ACER2: variants seen among roughly 807,000 people sequenced by gnomAD.
The protein encoded by ACER2 is alkCDase 2.
ACER2 carries 26 observed loss-of-function variants against 34.7 expected under a neutral mutation model. The observed-to-expected ratio is 0.75, with a 90% CI of 0.55 to 1.04. The LOEUF is 1.04. Among genes scored for constraint, ACER2 ranks in the 50% least tolerant of loss-of-function variants. The pLI is 0.00. For missense variants in ACER2, 352 were observed against 340.8 expected (o/e 1.03, Z -0.26); for synonymous variants, 138 against 132.1 (o/e 1.04, Z -0.31).
chr9:19,424,933 C>G, intron 3 of ACER2, 92 bp downstream of exon 3: 5 of 1,495,612 alleles, frequency 3.3e-6, no homozygotes, highest in East Asian at 2.3e-5. Flanking sequence ...CATGATTGAA[C>G]TCAGCCTAGT....
At chr9:19,420,391 C>T (rs897760602) in intron 1 of ACER2, among the ~76,000 whole-genome samples, 14 of 152,184 alleles carry the variant, frequency 9.2e-5, no homozygotes, top group African/African-American at 2.7e-4. Context: ...TCTTCACATT[C>T]GACATACTTC....
At chr9:19,412,857 A>T (rs1830126489) in intron 1 of ACER2, among the ~76,000 whole-genome samples, 1 of 152,104 alleles carries the variant, frequency 6.6e-6, no homozygotes, top group East Asian at 1.9e-4. Flanking sequence ...GATTGATCAT[A>T]ATTTATTTAT....
At chr9:19,427,191 C>G (rs1190917883) in intron 3 of ACER2, among the ~76,000 whole-genome samples, 2 of 152,184 alleles carry the variant, frequency 1.3e-5, no homozygotes, top group Non-Finnish European at 2.9e-5. Context: ...GGGCACTTAG[C>G]ATAATACTAA....
chr9:19,431,594 C>T (rs1589050896), intron 3 of ACER2, among the ~76,000 whole-genome samples: 1 of 152,144 alleles, frequency 6.6e-6, no homozygotes, highest in South Asian at 2.1e-4. Context: ...GGCTGTGGGC[C>T]CTCACCCTGA....
At chr9:19,434,804 G>C in intron 3 of ACER2, 143 bp from the exon 4 acceptor site, 1 of 1,035,478 alleles carries the variant, frequency 9.7e-7, no homozygotes, top group Non-Finnish European at 1.4e-6. Context: ...GTCGCCGTGA[G>C]TGGCTTTTTG....
At chr9:19,442,159 G>A (rs1043143779) in intron 4 of ACER2, among the ~76,000 whole-genome samples, 1 of 152,108 alleles carries the variant, frequency 6.6e-6, no homozygotes, top group Non-Finnish European at 1.5e-5. Context: ...ACATTGCCGA[G>A]TAACTCAGAT....
chr9:19,434,218 G>A (rs987778667), intron 3 of ACER2, among the ~76,000 whole-genome samples: 1 of 151,740 alleles, frequency 6.6e-6, no homozygotes, highest in East Asian at 1.9e-4. Flanking sequence ...ATGTGATGGC[G>A]GCCGGGAAGA....
rs1160218823 is a variant in ACER2, at chr9:19,450,930, T to C, written c.*294T>C. ...TGTTGTCACATCTGTTAATCTTTTCTTTAGGATTTCTGGATTTTGTGTAAT... is the reference window on the plus strand; with the variant it reads ...TGTTGTCACATCTGTTAATCTTTTCCTTAGGATTTCTGGATTTTGTGTAAT... On this transcript the variant is annotated 3_prime_UTR_variant, in exon 6 of 6. Transcript: ENST00000340967. 4.4e-6 allele frequency: 1 copy of C among 228,114 alleles called. No individual in the cohort carries two copies. The highest frequency in any genetic ancestry group is 5.4e-5 in the Admixed American group (1 of 18,610). 14.1% of individuals were successfully genotyped at this position (228,114 alleles called of 1,614,324 possible). A position where few individuals can be genotyped will look rare whatever the true frequency, so the allele number is the denominator to read the frequency against.
chr9:19,436,415 G>A (rs578157181), intron 4 of ACER2, among the ~76,000 whole-genome samples: 1 of 152,244 alleles, frequency 6.6e-6, no homozygotes, highest in East Asian at 1.9e-4. Flanking sequence ...ATATTTGATA[G>A]TACTTGGCTC....
At chr9:19,424,332 T>G (rs1000133041) in intron 2 of ACER2, 2 of 972,538 alleles carry the variant, frequency 2.1e-6, no homozygotes, top group African/African-American at 1.8e-5. Flanking sequence ...CTCATTGTTT[T>G]GTGAAATACT....
Position 19,450,647 on chromosome 9 carries a change from G to T in ACER2, c.*11G>T. The T allele has an allele frequency of 6.5e-7, 1 of 1,537,638 alleles. No homozygotes were observed. Among genetic ancestry groups the T allele is most frequent in the Non-Finnish European group, 8.9e-7 (1 of 1,124,880 alleles). On this transcript the variant is annotated 3_prime_UTR_variant, in exon 6 of 6. Coordinates refer to ENST00000340967, the MANE Select transcript of ACER2 (RefSeq NM_001010887.3). ...GTCAAGATCACGTGATGGCAAGATG[G>T]TGGCTGGCTTCTCTGCTTATCGCCC...
At position 19,450,724 on chromosome 9, in the gene ACER2, G is replaced by A. The variant is rs2132540853; in HGVS notation, c.*88G>A. The A allele has an allele frequency of 7.7e-7, 1 of 1,295,060 alleles. No homozygotes were observed. The highest frequency in any genetic ancestry group is 1.0e-6 in the Non-Finnish European group (1 of 964,516). The allele number at this position is 1,295,060 out of a possible 1,614,324, so 80.2% of individuals were successfully genotyped here. A position where few individuals can be genotyped will look rare whatever the true frequency, so the allele number is the denominator to read the frequency against. On this transcript the variant is annotated 3_prime_UTR_variant, in exon 6 of 6. Transcript: ENST00000340967. ...GAAGACAGCCAAGGGAGTTCGAATA[G>A]TTGGGGTGTGGGCTATCTTTTCAAA... is the stretch of plus-strand genomic sequence containing the variant.
rs555003565 is a variant in ACER2, at chr9:19,409,394, C to T, written c.108+202C>T. The stretch of plus-strand genomic sequence containing the variant: ...CCTCTCCTGTCCCCATTCCCGACAG[C>T]TGGGCTCATCTTCCTCCTGCTGTCA... On this transcript the variant is annotated intron_variant, in intron 1 of 5. Coordinates refer to ENST00000340967, the MANE Select transcript of ACER2 (RefSeq NM_001010887.3). 2.0e-5 allele frequency among the ~76,000 whole-genome samples: 3 copies of T among 152,354 alleles called. No individual in the cohort carries two copies. The East Asian group carries it at 5.8e-4, about 29-fold the overall frequency.
intron 5 of ACER2, among the ~76,000 whole-genome samples, chr9:19,449,298 A>G (rs900483227): frequency 6.6e-6 from 1 of 152,212 alleles, no homozygotes; most frequent in Admixed American, 6.5e-5. Context: ...AGATTCCATA[A>G]CTATCAACAC....
At chr9:19,433,580 C>T (rs905823807) in intron 3 of ACER2, among the ~76,000 whole-genome samples, 7 of 152,248 alleles carry the variant, frequency 4.6e-5, no homozygotes, top group South Asian at 2.1e-4. Flanking sequence ...GGCAACCATC[C>T]GATTTCTCAA....
chr9:19,423,313 A>G (rs1830463537), intron 1 of ACER2, among the ~76,000 whole-genome samples: 1 of 152,230 alleles, frequency 6.6e-6, no homozygotes, highest in African/African-American at 2.4e-5. Flanking sequence ...CAGTGTTTTT[A>G]TAGCTACTCC....
chr9:19,436,344 T>A (rs1201134037), intron 4 of ACER2, among the ~76,000 whole-genome samples: 1 of 152,194 alleles, frequency 6.6e-6, no homozygotes, highest in African/African-American at 2.4e-5. Context: ...TATTTTTTTG[T>A]AGATAAATTG....
At chr9:19,426,392 CCT>C (rs1830573680) in intron 3 of ACER2, among the ~76,000 whole-genome samples, 5 of 143,704 alleles carry the variant, frequency 3.5e-5, no homozygotes, top group Admixed American at 2.1e-4. Flanking sequence ...CTCTCTCTCT[CCT>C]CCTTTCCCTT....
chr9:19,436,745 G>A (rs1830990248), intron 4 of ACER2, among the ~76,000 whole-genome samples: 1 of 152,138 alleles, frequency 6.6e-6, no homozygotes, highest in Non-Finnish European at 1.5e-5. Flanking sequence ...CACATTTCCT[G>A]TTTTTGACCA....
Sources: allele counts gnomAD v4.1 joint callset (sites outside exome capture counted in the v4.1 genomes callset), GRCh38; gene constraint gnomAD v4.1.1; transcripts MANE v1.5; gene names NCBI Gene and HGNC (gene_info 2026-07-23, HGNC 2026-07-21).